Variants in ERICH1 observed in about 807,000 individuals in gnomAD.
ERICH1 encodes the protein glutamate-rich protein 1.
A neutral mutation model predicts 39.6 loss-of-function variants in ERICH1; 56 were observed. The ratio of observed to expected loss-of-function variants is 1.41; its 90% CI spans 1.14 to 1.77. The LOEUF is 1.77. Ranked by LOEUF, ERICH1 falls within the 40% of genes most tolerant of loss-of-function variation. The pLI, the probability that ERICH1 is intolerant of heterozygous loss-of-function variation, is 0.00. For missense variants in ERICH1, 826 were observed against 575.4 expected, an observed-to-expected ratio of 1.44 and a Z score of -4.45; for synonymous variants, 313 against 223.6, an observed-to-expected ratio of 1.40 and a Z score of -3.57.
chr8:665,302 C>T (rs1317998977), intron 5 of ERICH1, among the ~76,000 whole-genome samples: 4 of 152,224 alleles, frequency 2.6e-5, no homozygotes, highest in Non-Finnish European at 5.9e-5. Flanking sequence ...CCGGCTCCAA[C>T]CTCTGAGCCC....
At chr8:726,628 G>A (rs2132470280) in intron 1 of ERICH1, among the ~76,000 whole-genome samples, 1 of 145,830 alleles carries the variant, frequency 6.9e-6, no homozygotes, top group East Asian at 2.1e-4. Context: ...ATAGACACAG[G>A]TGAACACACA....
At chr8:671,191 C>G (rs78466404) in intron 4 of ERICH1, among the ~76,000 whole-genome samples, 1 of 143,580 alleles carries the variant, frequency 7.0e-6, no homozygotes, top group Admixed American at 6.9e-5. Context: ...ACCTCTGAAC[C>G]TGCCGGCCCT....
intron 3 of ERICH1, among the ~76,000 whole-genome samples, chr8:624,694 T>C (rs190664243): frequency 2.1e-3 from 322 of 151,946 alleles, no homozygotes; most frequent in Non-Finnish European, 3.8e-3. Context: ...GGGGAGGCGC[T>C]ACACACTTTT....
intron 3 of ERICH1, among the ~76,000 whole-genome samples, chr8:650,212 C>A (rs1771369466): frequency 6.6e-6 from 1 of 152,210 alleles, no homozygotes; most frequent in African/African-American, 2.4e-5. Context: ...GCGTCCCGTT[C>A]CGTGCTGGCG....
At chr8:726,964 TGC>T (rs1563377696) in intron 1 of ERICH1, among the ~76,000 whole-genome samples, 1 of 140,356 alleles carries the variant, frequency 7.1e-6, no homozygotes, top group African/African-American at 2.9e-5. Context: ...CACATACACA[TGC>T]ACACACGTAC....
intron 2 of ERICH1, among the ~76,000 whole-genome samples, chr8:696,852 T>C (rs1362346554): frequency 2.3e-5 from 2 of 88,188 alleles, no homozygotes; most frequent in East Asian, 3.3e-4. Flanking sequence ...TCACCCTCTC[T>C]CCCTCTCCTT....
At chr8:641,865 C>CTT (rs1799027840) in intron 3 of ERICH1, among the ~76,000 whole-genome samples, 1 of 152,252 alleles carries the variant, frequency 6.6e-6, no homozygotes, top group African/African-American at 2.4e-5. Context: ...CCCACGGTGC[C>CTT]TCTGGCCGTA....
chr8:706,286 G>A (rs560492551), intron 2 of ERICH1, among the ~76,000 whole-genome samples: 8 of 152,254 alleles, frequency 5.3e-5, no homozygotes, highest in East Asian at 1.9e-4. Context: ...AGGCAAAACC[G>A]CAGGATACAA....
chr8:627,349 T>C (rs1247791061), intron 3 of ERICH1: 2 of 390,812 alleles, frequency 5.1e-6, no homozygotes, highest in Non-Finnish European at 1.1e-5. Flanking sequence ...TTGTCTCCCA[T>C]TCCTGGACAG....
At chr8:726,262 T>C (rs1172759531) in intron 1 of ERICH1, among the ~76,000 whole-genome samples, 2 of 152,138 alleles carry the variant, frequency 1.3e-5, no homozygotes, top group African/African-American at 4.8e-5. Context: ...AGCTGGGAGA[T>C]GCACACACCA....
chr8:689,861 C>T (rs1228900821), intron 3 of ERICH1, among the ~76,000 whole-genome samples: 1 of 152,198 alleles, frequency 6.6e-6, no homozygotes, highest in Non-Finnish European at 1.5e-5. Flanking sequence ...GTAATAGACT[C>T]TGTAAATTCA....
At chr8:644,078 A>G (rs879420841) in intron 3 of ERICH1, among the ~76,000 whole-genome samples, 2 of 152,174 alleles carry the variant, frequency 1.3e-5, no homozygotes, top group Admixed American at 1.3e-4. Flanking sequence ...AGAGACACAA[A>G]TCGGGGAAGG....
At chr8:696,844 ACCCTCTCT>A (rs1445747341) in intron 2 of ERICH1, among the ~76,000 whole-genome samples, 1 of 78,528 alleles carries the variant, frequency 1.3e-5, no homozygotes, top group Non-Finnish European at 2.6e-5. Context: ...CGCTCCTCTC[ACCCTCTCT>A]CCCTCTCCTT....
At chr8:704,291 G>A (rs999147355) in intron 2 of ERICH1, among the ~76,000 whole-genome samples, 2 of 152,152 alleles carry the variant, frequency 1.3e-5, no homozygotes, top group African/African-American at 4.8e-5. Flanking sequence ...AGCAAAGGAA[G>A]CCCCCGGGAG....
chr8:635,319 C>G (rs997584622), intron 3 of ERICH1, among the ~76,000 whole-genome samples: 2 of 152,214 alleles, frequency 1.3e-5, no homozygotes, highest in African/African-American at 2.4e-5. Flanking sequence ...GCCCCCCACA[C>G]GGGTTTATCC....
chr8:616,701 G>A (rs1303154339), intron 3 of ERICH1: 1 of 441,560 alleles, frequency 2.3e-6, no homozygotes, highest in Non-Finnish European at 4.5e-6. Flanking sequence ...GAGAGGGACA[G>A]GGAGAGAGAT....
At chr8:642,668 A>C (rs540985342) in intron 3 of ERICH1, among the ~76,000 whole-genome samples, 49 of 152,062 alleles carry the variant, frequency 3.2e-4, no homozygotes, top group Non-Finnish European at 4.4e-5. Flanking sequence ...TAATCAACCC[A>C]CTGGCACGTC....
intron 1 of ERICH1, among the ~76,000 whole-genome samples, chr8:724,627 C>G (rs568696825): frequency 5.6e-4 from 85 of 152,188 alleles, no homozygotes; most frequent in Non-Finnish European, 1.1e-3. Flanking sequence ...GAAGGCCGTT[C>G]AGCAAGCTGC....
chr8:730,401 A>T (rs182891424), intron 1 of ERICH1, among the ~76,000 whole-genome samples: 188 of 152,294 alleles, frequency 1.2e-3, no homozygotes, highest in African/African-American at 4.3e-3. Flanking sequence ...AAACATAGAG[A>T]AGGAAAAAAA....
Sources: gnomAD v4.1 joint callset for allele counts (sites outside exome capture counted in the v4.1 genomes callset) on GRCh38, gnomAD v4.1.1 for gene constraint, MANE v1.5 for transcripts, NCBI Gene and HGNC (gene_info 2026-07-23, HGNC 2026-07-21) for gene names.